The following PTPRT variants were observed in gnomAD, a reference collection of about 807,000 sequenced individuals.
The protein encoded by PTPRT is protein tyrosine phosphatase receptor type T.
PTPRT carries 56 observed loss-of-function variants against 176.8 expected under a neutral mutation model. The observed-to-expected ratio is 0.32, with a 90% confidence interval of 0.26 to 0.40. PTPRT has a LOEUF of 0.40. PTPRT is among the 10% of genes least tolerant of loss of function. PTPRT has a pLI of 1.00. For missense variants in PTPRT, 1,540 were observed against 1,908.2 expected, an observed-to-expected ratio of 0.81 and a Z score of 3.60; for synonymous variants, 783 against 739.0, an observed-to-expected ratio of 1.06 and a Z score of -0.96.
intron 9 of PTPRT, among the ~76,000 whole-genome samples, chr20:42,366,810 T>A (rs1354238985): frequency 1.3e-5 from 2 of 152,218 alleles, no homozygotes; most frequent in African/African-American, 4.8e-5. Context: ...CTTGGTGTCC[T>A]AAGCTGGGGA....
chr20:42,444,587 C>T (rs1338628804), intron 9 of PTPRT, among the ~76,000 whole-genome samples: 3 of 151,934 alleles, frequency 2.0e-5, no homozygotes, highest in African/African-American at 7.2e-5. Flanking sequence ...AGTAATGAAA[C>T]TTCCCTCCTT....
chr20:42,609,823 T>C (rs754667832), intron 7 of PTPRT, among the ~76,000 whole-genome samples: 2 of 152,162 alleles, frequency 1.3e-5, no homozygotes, highest in African/African-American at 4.8e-5. Context: ...TGATGGGCAA[T>C]TGGATAAACA....
chr20:42,791,192 T>C lies in PTPRT; in HGVS notation c.486+3A>G, dbSNP rs1444599447. 1 of 1,579,896 alleles carries C rather than the reference T, an allele frequency of 6.3e-7. No individual in the cohort carries two copies. Among genetic ancestry groups the C allele is most frequent in the African/African-American group, 1.4e-5 (1 of 73,734 alleles). On this transcript the variant is annotated splice_donor_region_variant and intron_variant, in intron 3 of 30. Transcript: ENST00000373187. The stretch of plus-strand genomic sequence containing the variant: ...AAAATAAAACCATGGTAAAATGCCA[T>C]ACCTGATAGAAATGTGGCCAGAAAG...
intron 7 of PTPRT, among the ~76,000 whole-genome samples, chr20:42,516,774 C>T (rs2072075272): frequency 6.6e-6 from 1 of 152,126 alleles, no homozygotes; most frequent in Non-Finnish European, 1.5e-5. Context: ...ATACGAAATA[C>T]AGCCTGTAAT....
At chr20:42,360,307 G>A (rs1343201312) in intron 9 of PTPRT, among the ~76,000 whole-genome samples, 1 of 152,146 alleles carries the variant, frequency 6.6e-6, no homozygotes, top group African/African-American at 2.4e-5. Flanking sequence ...CTGCTTCCCA[G>A]ACTCATTGCC....
intron 7 of PTPRT, among the ~76,000 whole-genome samples, chr20:42,612,888 G>C (rs1181611504): frequency 2.0e-5 from 3 of 152,086 alleles, no homozygotes; most frequent in South Asian, 2.1e-4. Flanking sequence ...TGGGAATGTG[G>C]TTAGGATATG....
At chr20:42,470,824 A>C (rs1286465076) in intron 8 of PTPRT, among the ~76,000 whole-genome samples, 1 of 151,942 alleles carries the variant, frequency 6.6e-6, no homozygotes, top group Non-Finnish European at 1.5e-5. Context: ...AGAGGCAGGA[A>C]AAGTTATGTG....
intron 12 of PTPRT, among the ~76,000 whole-genome samples, chr20:42,314,730 A>G (rs2057690715): frequency 6.6e-6 from 1 of 152,142 alleles, no homozygotes; most frequent in African/African-American, 2.4e-5. Context: ...ATAAACCAAG[A>G]AGGTGGTTGC....
chr20:42,875,709 G>C (rs1172459894), intron 2 of PTPRT, among the ~76,000 whole-genome samples: 1 of 152,196 alleles, frequency 6.6e-6, no homozygotes, highest in Non-Finnish European at 1.5e-5. Flanking sequence ...GATGACAGAA[G>C]AGTTTGGGAG....
intron 2 of PTPRT, among the ~76,000 whole-genome samples, chr20:42,813,324 G>A (rs1323243466): frequency 4.0e-5 from 6 of 151,772 alleles, no homozygotes; most frequent in Non-Finnish European, 8.8e-5. Context: ...TATTTTTTTA[G>A]GTTAGAATCC....
intron 7 of PTPRT, among the ~76,000 whole-genome samples, chr20:42,488,525 C>T (rs2071501800): frequency 6.6e-6 from 1 of 152,034 alleles, no homozygotes; most frequent in Non-Finnish European, 1.5e-5. Flanking sequence ...ATTTTTCAGC[C>T]TTTTGGATTT....
chr20:42,847,533 T>C (rs1377009277), intron 2 of PTPRT, among the ~76,000 whole-genome samples: 1 of 152,180 alleles, frequency 6.6e-6, no homozygotes, highest in Non-Finnish European at 1.5e-5. Flanking sequence ...GCCCAGGAAG[T>C]AAGCACTCAA....
rs74662967 is a variant in PTPRT, at chr20:42,361,607, G to T, written c.1561-9322C>A. ...CTGGGGCCGCCATGTGTGAGCAAAC[G>T]CAGGGTGCATGACAGTCCCTGTGTA... On this transcript the variant is annotated intron_variant, in intron 9 of 30. Coordinates refer to ENST00000373187, the MANE Select transcript of PTPRT (RefSeq NM_007050.6). 9.9e-3 allele frequency among the ~76,000 whole-genome samples: 1,513 copies of T among 152,242 alleles called. 26 individuals carry two copies. Among genetic ancestry groups the T allele is most frequent in the African/African-American group, 0.035 (1,438 of 41,548 alleles).
intron 9 of PTPRT, among the ~76,000 whole-genome samples, chr20:42,403,028 G>A (rs564800027): frequency 4.6e-5 from 7 of 152,182 alleles, no homozygotes; most frequent in South Asian, 2.1e-4. Context: ...TTACGGTAGA[G>A]AATGTAGATA....
At chr20:42,143,928 G>A (rs752091486) in intron 17 of PTPRT, among the ~76,000 whole-genome samples, 1 of 152,228 alleles carries the variant, frequency 6.6e-6, no homozygotes, top group Non-Finnish European at 1.5e-5. Flanking sequence ...GGTAGTTACT[G>A]ATCAATTCGC....
chr20:43,188,207 C>T (rs539171619), intron 1 of PTPRT, among the ~76,000 whole-genome samples: 19 of 152,264 alleles, frequency 1.2e-4, no homozygotes, highest in Non-Finnish European at 2.5e-4. Context: ...ACACACCCCC[C>T]AAAATGAGGA....
intron 9 of PTPRT, among the ~76,000 whole-genome samples, chr20:42,434,028 A>C (rs10854225): frequency 0.43 from 64,717 of 151,902 alleles, 15,470 homozygotes; most frequent in East Asian, 0.55. Flanking sequence ...AAATGGAATA[A>C]ATAGATTACA....
At chr20:42,191,293 G>T (rs796461023) in intron 16 of PTPRT, among the ~76,000 whole-genome samples, 1 of 152,204 alleles carries the variant, frequency 6.6e-6, no homozygotes, top group East Asian at 1.9e-4. Flanking sequence ...CATCTGGGCT[G>T]ACTGAGGCAG....
intron 1 of PTPRT, among the ~76,000 whole-genome samples, chr20:43,157,775 G>C (rs2014566908): frequency 6.6e-6 from 1 of 152,166 alleles, no homozygotes. Flanking sequence ...GGTATCCTAG[G>C]GAAGAACAAG....
Sources: allele counts gnomAD v4.1 joint callset (sites outside exome capture counted in the v4.1 genomes callset), GRCh38; gene constraint gnomAD v4.1.1; transcripts MANE v1.5; gene names NCBI Gene and HGNC (gene_info 2026-07-23, HGNC 2026-07-21).